The following NDUFAF6 variants were observed in gnomAD, a reference collection of about 807,000 sequenced individuals.
The protein encoded by NDUFAF6 is NADH:ubiquinone oxidoreductase complex assembly factor 6.
In NDUFAF6, 45 loss-of-function variants were observed where a neutral mutation model predicts 40.8. That is an observed-to-expected ratio of 1.10 (90% confidence interval 0.87 to 1.42). NDUFAF6 has a LOEUF of 1.42. Ranked by LOEUF, NDUFAF6 falls within the 40% of genes most tolerant of loss-of-function variation. The probability of loss-of-function intolerance (pLI) is 0.00; values close to 1 mark genes in which losing one functional copy is unlikely to be tolerated. For missense variants in NDUFAF6, 435 were observed against 418.5 expected, an observed-to-expected ratio of 1.04 and a Z score of -0.34; for synonymous variants, 185 against 155.9, an observed-to-expected ratio of 1.19 and a Z score of -1.39.
intron 2 of NDUFAF6, among the ~76,000 whole-genome samples, chr8:95,016,117 G>A (rs73276426): frequency 0.013 from 1,911 of 151,874 alleles, 30 homozygotes; most frequent in African/African-American, 0.043. Flanking sequence ...TGAATGTTTA[G>A]CTTCTCCCCT....
rs1832449442 is a variant in NDUFAF6 at position 95,058,399 on chromosome 8, A to G, written c.*462A>G. Reference sequence around the variant, plus strand: ...TTATTTAGGGGTCACAAATAGTGAAATTAATATTTGAGGAATATCAGTCAC... The same window carrying G: ...TTATTTAGGGGTCACAAATAGTGAAGTTAATATTTGAGGAATATCAGTCAC... On this transcript the variant is annotated 3_prime_UTR_variant, in exon 9 of 9. Transcript: ENST00000396124. 8.1e-7 allele frequency: 1 copy of G among 1,232,948 alleles called. No individual in the cohort carries two copies. The highest frequency in any genetic ancestry group is 1.0e-6 in the Non-Finnish European group (1 of 988,722). The allele number at this position is 1,232,948 out of a possible 1,614,324, so 76.4% of individuals were successfully genotyped here. A position where few individuals can be genotyped will look rare whatever the true frequency, so the allele number is the denominator to read the frequency against.
At chr8:95,002,454 C>G (rs1413386131) in intron 2 of NDUFAF6, among the ~76,000 whole-genome samples, 1 of 151,918 alleles carries the variant, frequency 6.6e-6, no homozygotes, top group Non-Finnish European at 1.5e-5. Context: ...GTGAACACAC[C>G]TACTATGCAG....
intron 1 of NDUFAF6, among the ~76,000 whole-genome samples, chr8:94,937,276 A>C (rs1821070872): frequency 6.6e-6 from 1 of 152,056 alleles, no homozygotes; most frequent in African/African-American, 2.4e-5. Context: ...CCCCCTTTCT[A>C]CTAAAAGTAC....
rs187280275 is a variant in NDUFAF6, at chr8:95,046,402, A to G, written c.581-592A>G. On this transcript the variant is annotated intron_variant, in intron 5 of 8. Transcript: ENST00000396124. ...TTCTTTCTCTGCTTTTTTAAAAACA[A>G]AATTTTGATGGTAGGATTTCTTCTC... Among the ~76,000 whole-genome samples, 3 of 152,340 alleles carry G rather than the reference A, an allele frequency of 2.0e-5. No individual in the cohort carries two copies. In the East Asian group the frequency reaches 5.8e-4, roughly 29 times the overall value.
At chr8:94,910,160 T>G (rs531227753) in intron 1 of NDUFAF6, among the ~76,000 whole-genome samples, 52 of 151,332 alleles carry the variant, frequency 3.4e-4, no homozygotes, top group Middle Eastern at 3.4e-3. Context: ...GTTTTTTTGG[T>G]TTTTTTTTAT....
chr8:95,002,966 G>A (rs2131646868), intron 2 of NDUFAF6, among the ~76,000 whole-genome samples: 1 of 152,282 alleles, frequency 6.6e-6, no homozygotes, highest in South Asian at 2.1e-4. Flanking sequence ...GTGGAAATTG[G>A]CCACAGACAA....
intron 4 of NDUFAF6, among the ~76,000 whole-genome samples, chr8:95,112,479 A>G (rs995313914): frequency 2.0e-5 from 3 of 152,200 alleles, no homozygotes; most frequent in Non-Finnish European, 4.4e-5. Flanking sequence ...AAGGCAAGGA[A>G]GGATTCTCTC....
chr8:95,050,139 G>A (rs146030997), intron 7 of NDUFAF6, among the ~76,000 whole-genome samples: 1 of 152,306 alleles, frequency 6.6e-6, no homozygotes, highest in East Asian at 1.9e-4. Flanking sequence ...TGAGAGGCAG[G>A]AAAGCTTTGT....
intron 4 of NDUFAF6, chr8:95,115,504 T>C (rs1306521831): frequency 1.3e-5 from 2 of 152,034 alleles, no homozygotes; most frequent in East Asian, 3.9e-4. Context: ...TGAAAACTGT[T>C]TCTCCATTTC....
chr8:94,950,996 G>T (rs1305311106), intron 2 of NDUFAF6: 1 of 152,204 alleles, frequency 6.6e-6, no homozygotes, highest in Non-Finnish European at 1.5e-5. Context: ...TGAAGTGGGT[G>T]TATTTTTCTT....
At position 94,898,363 on chromosome 8, in the gene NDUFAF6, T is replaced by C. The variant is rs561537050; in HGVS notation, c.-936+2436T>C. Among the ~76,000 whole-genome samples the C allele has an allele frequency of 2.6e-5, 4 of 152,342 alleles. No individual in the cohort carries two copies. In the South Asian group the frequency reaches 8.3e-4, roughly 32 times the overall value. ...TTGGCCATGGCAGTTTCTCAGACTT[T>C]TGTTTTGATGACCTTAACAGTTTTG... On this transcript the variant is annotated intron_variant, in intron 1 of 14. Transcript: ENST00000396113.
intron 1 of NDUFAF6, among the ~76,000 whole-genome samples, chr8:94,959,922 A>G (rs1823427393): frequency 6.6e-6 from 1 of 152,122 alleles, no homozygotes; most frequent in South Asian, 2.1e-4. Context: ...TCATGTGCAG[A>G]TTATATTCTC....
intron 1 of NDUFAF6, among the ~76,000 whole-genome samples, chr8:94,939,310 C>A (rs899969326): frequency 6.6e-6 from 1 of 152,156 alleles, no homozygotes; most frequent in African/African-American, 2.4e-5. Context: ...AGTCTTATTT[C>A]TAATCAGTAG....
At chr8:95,050,224 G>A (rs918000705) in intron 7 of NDUFAF6, among the ~76,000 whole-genome samples, 3 of 152,174 alleles carry the variant, frequency 2.0e-5, no homozygotes, top group Non-Finnish European at 2.9e-5. Flanking sequence ...CTCACTCCCT[G>A]GAGACTGGGG....
In NDUFAF6 at chr8:95,053,399, C is replaced by T. The variant is rs570740146; in HGVS notation, c.873+1169C>T. Among the ~76,000 whole-genome samples the T allele has an allele frequency of 2.6e-5, 4 of 152,106 alleles. No individual in the cohort carries two copies. In the South Asian group the frequency reaches 8.3e-4, roughly 32 times the overall value. ...GTTTAGTGGTTATCTGATGGATATA[C>T]CATCAGCTGTTTAACATACTAAGTA... On this transcript the variant is annotated intron_variant, in intron 8 of 8. Transcript: ENST00000396124.
At chr8:94,974,328 G>A (rs1824744024) in intron 1 of NDUFAF6, among the ~76,000 whole-genome samples, 1 of 151,792 alleles carries the variant, frequency 6.6e-6, no homozygotes, top group Non-Finnish European at 1.5e-5. Flanking sequence ...GACCAGACAT[G>A]GCTTCCTGCG....
downstream of NDUFAF6, among the ~76,000 whole-genome samples, chr8:95,107,040 T>C (rs1809860860): frequency 6.6e-6 from 1 of 152,058 alleles, no homozygotes; most frequent in Admixed American, 6.6e-5. Context: ...TTGGTGGGAG[T>C]ATAAATTAGT....
chr8:95,069,170 G>A (rs575317343), intron 9 of NDUFAF6: 1 of 151,968 alleles, frequency 6.6e-6, no homozygotes, highest in East Asian at 1.9e-4. Flanking sequence ...CATTTATTGA[G>A]CACCAGGCAC....
At chr8:95,041,291 T>G (rs1429510902) in intron 3 of NDUFAF6, among the ~76,000 whole-genome samples, 1 of 152,248 alleles carries the variant, frequency 6.6e-6, no homozygotes, top group East Asian at 1.9e-4. Flanking sequence ...ATTCTGGTTT[T>G]GTTTTGTTTG....
Sources: gnomAD v4.1 joint callset for allele counts (sites outside exome capture counted in the v4.1 genomes callset) on GRCh38, gnomAD v4.1.1 for gene constraint, MANE v1.5 for transcripts, NCBI Gene and HGNC (gene_info 2026-07-23, HGNC 2026-07-21) for gene names.